Variants in HS6ST3 observed in about 807,000 individuals in gnomAD.
The protein encoded by HS6ST3 is heparan-sulfate 6-O-sulfotransferase 3.
HS6ST3 carries 12 observed loss-of-function variants against 36.7 expected under a neutral mutation model. The observed-to-expected ratio is 0.33, with a 90% CI of 0.21 to 0.53. HS6ST3 has a LOEUF of 0.53. Ranked by LOEUF, HS6ST3 falls within the 20% of genes least tolerant of loss-of-function variation. The probability of loss-of-function intolerance (pLI) is 0.95; values close to 1 mark genes in which losing one functional copy is unlikely to be tolerated. For synonymous variants in HS6ST3, 240 were observed against 257.5 expected, an observed-to-expected ratio of 0.93 and a Z score of 0.65; for missense variants, 584 against 640.9, an observed-to-expected ratio of 0.91 and a Z score of 0.96.
intron 1 of HS6ST3, among the ~76,000 whole-genome samples, chr13:96,643,430 G>A (rs1320285937): frequency 6.6e-6 from 1 of 151,852 alleles, no homozygotes; most frequent in Non-Finnish European, 1.5e-5. Flanking sequence ...GGAATTTGTT[G>A]GGTTTCTCAA....
At chr13:96,569,174 T>C (rs1054567172) in intron 1 of HS6ST3, among the ~76,000 whole-genome samples, 2 of 152,238 alleles carry the variant, frequency 1.3e-5, no homozygotes, top group Non-Finnish European at 2.9e-5. Context: ...CCTGGCATCA[T>C]ACTGAGCTTC....
rs2054604897 is a variant in HS6ST3, at chr13:96,250,920, TC to T, written c.707+159354del. Among the ~76,000 whole-genome samples the T allele has an allele frequency of 2.6e-5, 4 of 152,336 alleles. No homozygotes were observed. The South Asian group carries it at 8.3e-4, about 32-fold the overall frequency. On this transcript the variant is annotated intron_variant, in intron 1 of 1. Transcript: ENST00000376705. ...TTTGTAGACTTGAGCCATCCTTGCA[TC>T]CCAGGGATAAATCTCACTTGCTGAT...
intron 1 of HS6ST3, among the ~76,000 whole-genome samples, chr13:96,208,452 T>TG (rs1257659850): frequency 6.6e-6 from 1 of 152,134 alleles, no homozygotes; most frequent in Non-Finnish European, 1.5e-5. Flanking sequence ...AATTATTAGA[T>TG]GGGGGGTTGC....
At chr13:96,597,841 A>G (rs1288228719) in intron 1 of HS6ST3, among the ~76,000 whole-genome samples, 1 of 152,028 alleles carries the variant, frequency 6.6e-6, no homozygotes, top group Non-Finnish European at 1.5e-5. Context: ...TCTTGAGTTA[A>G]TTTTTGTATC....
At chr13:96,650,048 C>G (rs926114523) in intron 1 of HS6ST3, among the ~76,000 whole-genome samples, 1 of 151,870 alleles carries the variant, frequency 6.6e-6, no homozygotes, top group Non-Finnish European at 1.5e-5. Flanking sequence ...TTCTGTCAAC[C>G]CTCTGCTTGT....
chr13:96,799,966 GTATATATATATATA>G (rs1221321839), intron 1 of HS6ST3, among the ~76,000 whole-genome samples: 2,838 of 60,668 alleles, frequency 0.047, 163 homozygotes, highest in East Asian at 0.17. Context: ...ATATATATGT[GTATATATATATATA>G]TGTATATATA....
chr13:96,380,648 C>G lies in HS6ST3; in HGVS notation c.707+289079C>G, dbSNP rs1165432170. On this transcript the variant is annotated intron_variant, in intron 1 of 1. Transcript: ENST00000376705. ...TCAGTTTGTATAAAAACTGTAAATTCTTTTCCAAACATATATCAAAATATT... is the reference window on the plus strand; with the variant it reads ...TCAGTTTGTATAAAAACTGTAAATTGTTTTCCAAACATATATCAAAATATT... 2.6e-5 allele frequency among the ~76,000 whole-genome samples: 4 copies of G among 152,252 alleles called. No homozygotes were observed. The South Asian group carries it at 6.2e-4, about 24-fold the overall frequency.
At chr13:96,513,872 C>A (rs1164183004) in intron 1 of HS6ST3, among the ~76,000 whole-genome samples, 1 of 151,762 alleles carries the variant, frequency 6.6e-6, no homozygotes, top group African/African-American at 2.4e-5. Flanking sequence ...GAGAAGGAGA[C>A]CTGTGACTAT....
chr13:96,201,105 C>T (rs1190837067), intron 1 of HS6ST3, among the ~76,000 whole-genome samples: 1 of 152,180 alleles, frequency 6.6e-6, no homozygotes, highest in South Asian at 2.1e-4. Flanking sequence ...ATCCCGCAGA[C>T]AGCTATATGC....
chr13:96,747,333 G>A (rs769989580), intron 1 of HS6ST3, among the ~76,000 whole-genome samples: 1 of 152,046 alleles, frequency 6.6e-6, no homozygotes, highest in South Asian at 2.1e-4. Flanking sequence ...AGCTTTTGGC[G>A]GGATTGGAAT....
intron 1 of HS6ST3, among the ~76,000 whole-genome samples, chr13:96,226,652 A>AT (rs2054482444): frequency 6.6e-6 from 1 of 152,222 alleles, no homozygotes; most frequent in Non-Finnish European, 1.5e-5. Flanking sequence ...GGAACAACAC[A>AT]TTCTGTGTTT....
At chr13:96,424,706 C>T (rs1465087239) in intron 1 of HS6ST3, among the ~76,000 whole-genome samples, 1 of 152,074 alleles carries the variant, frequency 6.6e-6, no homozygotes, top group African/African-American at 2.4e-5. Flanking sequence ...GGCACCGGTC[C>T]CATTCATGAG....
intron 1 of HS6ST3, among the ~76,000 whole-genome samples, chr13:96,655,970 A>T (rs1214283167): frequency 1.3e-5 from 2 of 152,104 alleles, no homozygotes; most frequent in African/African-American, 4.8e-5. Flanking sequence ...TGTTATTATG[A>T]TTACCACAAT....
intron 1 of HS6ST3, among the ~76,000 whole-genome samples, chr13:96,376,914 A>C (rs1371780584): frequency 6.6e-6 from 1 of 151,990 alleles, no homozygotes; most frequent in East Asian, 1.9e-4. Context: ...CCAGGAGTTC[A>C]AGACCAGTCT....
intron 1 of HS6ST3, among the ~76,000 whole-genome samples, chr13:96,722,624 TA>T (rs1566438382): frequency 6.6e-6 from 1 of 152,228 alleles, no homozygotes; most frequent in Non-Finnish European, 1.5e-5. Context: ...AACCTTATTT[TA>T]TTCTCCTCTA....
At chr13:96,142,718 T>C (rs1347606131) in intron 1 of HS6ST3, among the ~76,000 whole-genome samples, 5 of 152,134 alleles carry the variant, frequency 3.3e-5, no homozygotes, top group Non-Finnish European at 5.9e-5. Context: ...GGTAAACATA[T>C]ATGTCAGAAA....
intron 1 of HS6ST3, among the ~76,000 whole-genome samples, chr13:96,494,202 A>T (rs569390436): frequency 5.9e-5 from 9 of 152,256 alleles, no homozygotes; most frequent in African/African-American, 2.2e-4. Context: ...ACCATGGAAT[A>T]CTATGCAGCC....
At chr13:96,494,462 C>T (rs367776749) in intron 1 of HS6ST3, among the ~76,000 whole-genome samples, 5 of 151,192 alleles carry the variant, frequency 3.3e-5, no homozygotes, top group East Asian at 2.0e-4. Flanking sequence ...TTAATGGGTG[C>T]AGCACACCAA....
chr13:96,585,732 T>G (rs898639292), intron 1 of HS6ST3, among the ~76,000 whole-genome samples: 27 of 152,178 alleles, frequency 1.8e-4, no homozygotes, highest in African/African-American at 6.5e-4. Context: ...CTTGGCTTAT[T>G]TTACTTAATG....
Sources: gnomAD v4.1 joint callset for allele counts (sites outside exome capture counted in the v4.1 genomes callset) on GRCh38, gnomAD v4.1.1 for gene constraint, MANE v1.5 for transcripts, NCBI Gene and HGNC (gene_info 2026-07-23, HGNC 2026-07-21) for gene names.